MEI4: variants seen among roughly 807,000 people sequenced by gnomAD.
MEI4 encodes meiotic double-stranded break formation protein 4, also known as meiosis-specific protein MEI4.
Under a neutral mutation model 31.4 loss-of-function variants are expected in MEI4, and 27 were observed. The observed-to-expected ratio is 0.86, with a 90% confidence interval of 0.63 to 1.19. The LOEUF (loss-of-function observed/expected upper bound fraction) is 1.19, where lower values mean the gene tolerates loss of function less well. Among genes scored for constraint, MEI4 ranks in the 50% most tolerant of loss-of-function variants. The pLI, the probability that MEI4 is intolerant of heterozygous loss-of-function variation, is 0.00. For synonymous variants in MEI4, 122 were observed against 145.4 expected (o/e 0.84, Z 1.16); for missense variants, 329 against 398.9 (o/e 0.82, Z 1.49).
At chr6:77,774,544 A>T (rs1768392151) in intron 3 of MEI4, among the ~76,000 whole-genome samples, 1 of 152,058 alleles carries the variant, frequency 6.6e-6, no homozygotes. Flanking sequence ...GATTGTTGGG[A>T]CATAGAAGGC....
intron 4 of MEI4, among the ~76,000 whole-genome samples, chr6:77,897,493 A>G (rs1766105019): frequency 7.6e-6 from 1 of 131,394 alleles, no homozygotes; most frequent in African/African-American, 3.0e-5. Flanking sequence ...AATAAGTCAT[A>G]TAATGACAAT....
intron 2 of MEI4, among the ~76,000 whole-genome samples, chr6:77,732,683 A>G (rs963449439): frequency 1.5e-4 from 23 of 152,196 alleles, no homozygotes; most frequent in Non-Finnish European, 2.6e-4. Flanking sequence ...GAGTGGTGAG[A>G]GAGGGCATCC....
At chr6:77,803,613 T>G (rs142906584) in intron 3 of MEI4, among the ~76,000 whole-genome samples, 146 of 152,216 alleles carry the variant, frequency 9.6e-4, no homozygotes, top group African/African-American at 3.2e-3. Context: ...TTATCTACCT[T>G]TGGTCTTTGA....
intron 4 of MEI4, among the ~76,000 whole-genome samples, chr6:77,842,890 T>C (rs748551247): frequency 2.0e-5 from 3 of 152,064 alleles, no homozygotes; most frequent in Non-Finnish European, 4.4e-5. Context: ...ATAGGTAACC[T>C]TGATAGTCTT....
At chr6:77,763,587 T>C (rs1262443067) in intron 3 of MEI4, among the ~76,000 whole-genome samples, 1 of 152,168 alleles carries the variant, frequency 6.6e-6, no homozygotes, top group Non-Finnish European at 1.5e-5. Flanking sequence ...ATAGGAAATA[T>C]ATATTTCATC....
intron 3 of MEI4, among the ~76,000 whole-genome samples, chr6:77,789,418 G>A (rs990586461): frequency 1.3e-5 from 2 of 152,110 alleles, no homozygotes; most frequent in African/African-American, 4.8e-5. Flanking sequence ...ATCTAATTAA[G>A]CTAAAGTGTT....
intron 3 of MEI4, among the ~76,000 whole-genome samples, chr6:77,802,735 T>G (rs1460055476): frequency 6.6e-6 from 1 of 152,196 alleles, no homozygotes; most frequent in Non-Finnish European, 1.5e-5. Flanking sequence ...TTCTGAAGCT[T>G]AGTTTATCTG....
intron 2 of MEI4, among the ~76,000 whole-genome samples, chr6:77,699,314 C>G (rs1766147376): frequency 2.6e-5 from 4 of 151,376 alleles, no homozygotes; most frequent in African/African-American, 9.7e-5. Flanking sequence ...CTCAGCCTCC[C>G]AAGTAGCTGG....
intron 4 of MEI4, among the ~76,000 whole-genome samples, chr6:77,876,856 C>T (rs1042411134): frequency 6.6e-6 from 1 of 151,810 alleles, no homozygotes; most frequent in Non-Finnish European, 1.5e-5. Context: ...ATGTCTCAGG[C>T]AGTACCTCTC....
chr6:77,733,023 T>C (rs1413831045), intron 2 of MEI4, among the ~76,000 whole-genome samples: 1 of 151,716 alleles, frequency 6.6e-6, no homozygotes, highest in African/African-American at 2.4e-5. Context: ...GCTGGATTCG[T>C]TTTGCCAGTA....
intron 1 of MEI4, among the ~76,000 whole-genome samples, chr6:77,689,872 C>T (rs1378406645): frequency 6.6e-6 from 1 of 152,022 alleles, no homozygotes; most frequent in Non-Finnish European, 1.5e-5. Flanking sequence ...GCACAACTCT[C>T]ATGATAATCT....
intron 2 of MEI4, among the ~76,000 whole-genome samples, chr6:77,707,474 A>G (rs7753289): frequency 0.14 from 20,935 of 152,152 alleles, 1,526 homozygotes; most frequent in Middle Eastern, 0.21. Flanking sequence ...AATTTGGAAA[A>G]TTCTCATCCT....
chr6:77,736,889 C>G (rs990191126), intron 2 of MEI4, among the ~76,000 whole-genome samples: 1 of 151,894 alleles, frequency 6.6e-6, no homozygotes, highest in Non-Finnish European at 1.5e-5. Context: ...AAGTTGCTTG[C>G]CTTTAAGGAT....
intron 3 of MEI4, among the ~76,000 whole-genome samples, chr6:77,805,852 AT>A (rs1163476681): frequency 6.7e-6 from 1 of 149,260 alleles, no homozygotes; most frequent in South Asian, 2.1e-4. Flanking sequence ...TTACATGAAG[AT>A]TTTTTTTCTA....
chr6:77,783,079 T>C (rs2127691854), intron 3 of MEI4, among the ~76,000 whole-genome samples: 1 of 152,298 alleles, frequency 6.6e-6, no homozygotes, highest in Admixed American at 6.5e-5. Context: ...CATGGTGACA[T>C]TTTTATCTGG....
intron 4 of MEI4, among the ~76,000 whole-genome samples, chr6:77,866,732 A>G (rs1465550371): frequency 6.6e-6 from 1 of 152,220 alleles, no homozygotes; most frequent in African/African-American, 2.4e-5. Context: ...ACTAAAGTTC[A>G]TATGGAACCA....
chr6:77,883,794 A>G (rs1050078930), intron 4 of MEI4, among the ~76,000 whole-genome samples: 3 of 136,576 alleles, frequency 2.2e-5, no homozygotes, highest in Non-Finnish European at 4.6e-5. Flanking sequence ...TTTTTTTTCC[A>G]TATGTTGGCT....
intron 4 of MEI4, among the ~76,000 whole-genome samples, chr6:77,855,794 A>G (rs1010413344): frequency 6.6e-6 from 1 of 152,174 alleles, no homozygotes; most frequent in Non-Finnish European, 1.5e-5. Flanking sequence ...TAAAATATGT[A>G]CTATGCATTC....
chr6:77,726,399 A>G lies in MEI4; in HGVS notation c.233-34731A>G, dbSNP rs114707318. On this transcript the variant is annotated intron_variant, in intron 2 of 4. Transcript: ENST00000684080. ...TATGTGGAAGATCCAAACACCTGAG[A>G]CTGGCAGTGAGTGTCATAGAATATT... Among the ~76,000 whole-genome samples, 1,206 of 152,266 alleles carry G rather than the reference A, an allele frequency of 7.9e-3. 20 individuals carry two copies. The highest frequency in any genetic ancestry group is 0.028 in the African/African-American group (1,156 of 41,556).
Sources: gnomAD v4.1 joint callset for allele counts (sites outside exome capture counted in the v4.1 genomes callset) on GRCh38, gnomAD v4.1.1 for gene constraint, MANE v1.5 for transcripts, NCBI Gene and HGNC (gene_info 2026-07-23, HGNC 2026-07-21) for gene names.